Variants in TNFSF4 observed in about 807,000 individuals in gnomAD.
TNFSF4 encodes tumor necrosis factor ligand superfamily member 4.
TNFSF4 carries 4 observed loss-of-function variants against 7.3 expected under a neutral mutation model. That is an observed-to-expected ratio of 0.55 (90% CI 0.27 to 1.25). The LOEUF is 1.25. Ranked by LOEUF, TNFSF4 falls within the 50% of genes most tolerant of loss-of-function variation. The pLI, the probability that TNFSF4 is intolerant of heterozygous loss-of-function variation, is 0.12. For missense variants in TNFSF4, 181 were observed against 208.8 expected, an observed-to-expected ratio of 0.87 and a Z score of 0.82; for synonymous variants, 76 against 83.7, an observed-to-expected ratio of 0.91 and a Z score of 0.50.
the TNFSF4 span, among the ~76,000 whole-genome samples, chr1:173,413,586 A>C: frequency 6.6e-6 from 1 of 152,180 alleles, no homozygotes; most frequent in South Asian, 2.1e-4. Context: ...AGTCTAGTCC[A>C]GCAGTGTCAC....
the TNFSF4 span, among the ~76,000 whole-genome samples, chr1:173,360,015 A>G: frequency 2.0e-5 from 3 of 152,246 alleles, no homozygotes; most frequent in Non-Finnish European, 4.4e-5. Context: ...CATAGGGTCA[A>G]TATCTATTAT....
chr1:173,313,746 C>G, the TNFSF4 span, among the ~76,000 whole-genome samples: 1 of 152,048 alleles, frequency 6.6e-6, no homozygotes, highest in Non-Finnish European at 1.5e-5. Flanking sequence ...TGTATCTTCT[C>G]TCTTCGTATA....
the TNFSF4 span, among the ~76,000 whole-genome samples, chr1:173,360,794 T>C: frequency 6.6e-6 from 1 of 152,128 alleles, no homozygotes; most frequent in African/African-American, 2.4e-5. Context: ...GGAAGGGAAG[T>C]AATAACCCAC....
chr1:173,174,622 T>C, the TNFSF4 span: 2 of 152,206 alleles, frequency 1.3e-5, no homozygotes, highest in African/African-American at 4.8e-5. Context: ...GGAAAAGTTC[T>C]TTATGAAACC....
the TNFSF4 span, among the ~76,000 whole-genome samples, chr1:173,260,988 C>T: frequency 2.0e-5 from 3 of 152,096 alleles, no homozygotes; most frequent in Non-Finnish European, 4.4e-5. Context: ...ATCAAGTGGA[C>T]CTGTTAGATG....
the TNFSF4 span, among the ~76,000 whole-genome samples, chr1:173,431,679 G>C: frequency 6.6e-6 from 1 of 152,196 alleles, no homozygotes; most frequent in African/African-American, 2.4e-5. Flanking sequence ...GCACTACCTT[G>C]CCTGCTGTCC....
At chr1:173,344,313 A>G in the TNFSF4 span, among the ~76,000 whole-genome samples, 2 of 152,222 alleles carry the variant, frequency 1.3e-5, no homozygotes, top group Non-Finnish European at 2.9e-5. Context: ...CATGGGGGAA[A>G]GTGTAAGAGC....
the TNFSF4 span, among the ~76,000 whole-genome samples, chr1:173,437,816 C>T: frequency 6.6e-6 from 1 of 152,128 alleles, no homozygotes; most frequent in Non-Finnish European, 1.5e-5. Flanking sequence ...CCATTGCAAA[C>T]ATTTTTCCTA....
the TNFSF4 span, among the ~76,000 whole-genome samples, chr1:173,361,607 A>G: frequency 1.3e-5 from 2 of 152,282 alleles, no homozygotes; most frequent in South Asian, 4.2e-4. Context: ...TCCAAAAAAA[A>G]AGAATGCATA....
the TNFSF4 span, among the ~76,000 whole-genome samples, chr1:173,277,437 A>G: frequency 1.3e-5 from 2 of 152,088 alleles, no homozygotes; most frequent in East Asian, 3.9e-4. Flanking sequence ...GGGATGCCCT[A>G]TTTCTAGGGT....
chr1:173,247,635 T>C, the TNFSF4 span, among the ~76,000 whole-genome samples: 1 of 152,240 alleles, frequency 6.6e-6, no homozygotes, highest in African/African-American at 2.4e-5. Flanking sequence ...TTTATTTTTT[T>C]TGTTTTTTAA....
chr1:173,196,746 A>G (rs1571195303), intron 1 of TNFSF4, among the ~76,000 whole-genome samples: 1 of 152,220 alleles, frequency 6.6e-6, no homozygotes, highest in African/African-American at 2.4e-5. Context: ...AACTCTTCAT[A>G]TCGTCAGAGG....
chr1:173,264,152 G>T, the TNFSF4 span, among the ~76,000 whole-genome samples: 1 of 151,782 alleles, frequency 6.6e-6, no homozygotes, highest in Admixed American at 6.6e-5. Flanking sequence ...AAAATATTTT[G>T]AATTTTTTTG....
At chr1:173,244,646 A>G in the TNFSF4 span, among the ~76,000 whole-genome samples, 1 of 126,104 alleles carries the variant, frequency 7.9e-6, no homozygotes, top group Non-Finnish European at 1.7e-5. Flanking sequence ...TGTCTCAAAA[A>G]AAAACAAAAA....
chr1:173,321,178 A>T, the TNFSF4 span, among the ~76,000 whole-genome samples: 1 of 152,222 alleles, frequency 6.6e-6, no homozygotes, highest in Non-Finnish European at 1.5e-5. Context: ...AACACCACAC[A>T]TCTACAAACA....
At chr1:173,234,682 A>T in the TNFSF4 span, among the ~76,000 whole-genome samples, 1 of 152,214 alleles carries the variant, frequency 6.6e-6, no homozygotes, top group African/African-American at 2.4e-5. Flanking sequence ...TTCTCAGGAA[A>T]CTATCGCAAG....
the TNFSF4 span, among the ~76,000 whole-genome samples, chr1:173,446,184 A>T: frequency 1.3e-5 from 2 of 152,172 alleles, no homozygotes; most frequent in African/African-American, 4.8e-5. Context: ...CAACTATCGT[A>T]ACTATGCTCC....
the TNFSF4 span, among the ~76,000 whole-genome samples, chr1:173,326,217 A>C: frequency 1.3e-5 from 2 of 152,280 alleles, no homozygotes; most frequent in South Asian, 2.1e-4. Context: ...TCAACATATG[A>C]AAATCAATAA....
the TNFSF4 span, among the ~76,000 whole-genome samples, chr1:173,256,213 A>G: frequency 6.6e-6 from 1 of 152,196 alleles, no homozygotes; most frequent in Non-Finnish European, 1.5e-5. Context: ...ATTAAATATT[A>G]TCTTACTCTG....
Sources: allele counts gnomAD v4.1 joint callset (sites outside exome capture counted in the v4.1 genomes callset), GRCh38; gene constraint gnomAD v4.1.1; transcripts MANE v1.5; gene names NCBI Gene and HGNC (gene_info 2026-07-23, HGNC 2026-07-21).